Variants in KLHL1 observed in about 807,000 individuals in gnomAD.
KLHL1 encodes kelch like family member 1.
A neutral mutation model predicts 77.7 loss-of-function variants in KLHL1; 47 were observed. The observed-to-expected ratio is 0.60, with a 90% confidence interval of 0.48 to 0.77. The LOEUF (loss-of-function observed/expected upper bound fraction) is 0.77, where lower values mean the gene tolerates loss of function less well. Among genes scored for constraint, KLHL1 ranks in the 30% least tolerant of loss-of-function variants. KLHL1 has a pLI of 0.00. For synonymous variants in KLHL1, 360 were observed against 325.2 expected, an observed-to-expected ratio of 1.11 and a Z score of -1.15; for missense variants, 925 against 910.8, an observed-to-expected ratio of 1.02 and a Z score of -0.20.
chr13:69,714,591 T>G (rs966612780), intron 9 of KLHL1, among the ~76,000 whole-genome samples: 3 of 151,760 alleles, frequency 2.0e-5, no homozygotes, highest in Non-Finnish European at 4.4e-5. Context: ...TTTATTTTAT[T>G]TATTTATTTA....
intron 10 of KLHL1, among the ~76,000 whole-genome samples, chr13:69,707,308 T>C (rs543456448): frequency 1.3e-5 from 2 of 152,156 alleles, no homozygotes; most frequent in Admixed American, 6.6e-5. Context: ...AGTTAAGGTT[T>C]TGTGAACCAA....
chr13:69,937,986 G>T lies in KLHL1; in HGVS notation c.1014+2054C>A, dbSNP rs116698630. Among the ~76,000 whole-genome samples the T allele has an allele frequency of 2.0e-3, 297 of 152,148 alleles. 1 individual carries two copies. Among genetic ancestry groups the T allele is most frequent in the African/African-American group, 6.6e-3 (276 of 41,524 alleles). On this transcript the variant is annotated intron_variant, in intron 4 of 10. Coordinates refer to ENST00000377844, the MANE Select transcript of KLHL1 (RefSeq NM_020866.3). Reference sequence around the variant, plus strand: ...GAGAGAAGTTAATTCTATCCCACGTGTAGTAGAAAAAATGGAATGATTTGC... The same window carrying T: ...GAGAGAAGTTAATTCTATCCCACGTTTAGTAGAAAAAATGGAATGATTTGC...
chr13:69,745,455 T>TCA (rs1874168038), intron 7 of KLHL1, among the ~76,000 whole-genome samples: 1 of 152,042 alleles, frequency 6.6e-6, no homozygotes, highest in Admixed American at 6.6e-5. Flanking sequence ...GCTTGCATTT[T>TCA]CACTTTCTTA....
At chr13:69,737,162 C>T (rs1378180879) in intron 8 of KLHL1, among the ~76,000 whole-genome samples, 1 of 152,166 alleles carries the variant, frequency 6.6e-6, no homozygotes, top group Non-Finnish European at 1.5e-5. Flanking sequence ...TATGCTTTTC[C>T]CATGGATCCT....
intron 8 of KLHL1, among the ~76,000 whole-genome samples, chr13:69,725,758 C>A (rs1873269164): frequency 6.6e-6 from 1 of 152,134 alleles, no homozygotes; most frequent in Non-Finnish European, 1.5e-5. Flanking sequence ...ATCCTGTTCA[C>A]TGTCCTGTAA....
chr13:70,052,967 A>G (rs1420426477), intron 1 of KLHL1, among the ~76,000 whole-genome samples: 1 of 152,026 alleles, frequency 6.6e-6, no homozygotes, highest in Non-Finnish European at 1.5e-5. Context: ...AAAATTCTTG[A>G]GTGGGAAAAA....
chr13:70,092,671 A>G (rs1447520849), intron 1 of KLHL1, among the ~76,000 whole-genome samples: 1 of 152,162 alleles, frequency 6.6e-6, no homozygotes, highest in Non-Finnish European at 1.5e-5. Flanking sequence ...TAGTTTTATG[A>G]GCTAAGTTAT....
intron 7 of KLHL1, among the ~76,000 whole-genome samples, chr13:69,794,095 C>A (rs151173500): frequency 6.6e-6 from 1 of 152,222 alleles, no homozygotes; most frequent in African/African-American, 2.4e-5. Context: ...ATATTACCTT[C>A]TCATTTAAGC....
At chr13:69,912,720 G>A (rs1029412207) in intron 4 of KLHL1, among the ~76,000 whole-genome samples, 1 of 152,104 alleles carries the variant, frequency 6.6e-6, no homozygotes, top group Non-Finnish European at 1.5e-5. Context: ...GCCAGACTCT[G>A]CCCCTTATCT....
intron 7 of KLHL1, among the ~76,000 whole-genome samples, chr13:69,769,542 A>G (rs1593811855): frequency 1.3e-5 from 2 of 152,012 alleles, no homozygotes; most frequent in African/African-American, 4.8e-5. Flanking sequence ...GACTGGAGTG[A>G]GAACATCTAT....
At chr13:69,708,431 G>T (rs1378513734) in intron 9 of KLHL1, among the ~76,000 whole-genome samples, 4 of 151,876 alleles carry the variant, frequency 2.6e-5, no homozygotes, top group Non-Finnish European at 5.9e-5. Context: ...TGGGATGTTT[G>T]ATTCCCTGGG....
At chr13:69,733,484 T>C (rs1439527676) in intron 8 of KLHL1, among the ~76,000 whole-genome samples, 2 of 152,106 alleles carry the variant, frequency 1.3e-5, no homozygotes, top group African/African-American at 4.8e-5. Flanking sequence ...TGATTAATTT[T>C]CAGAATACAT....
intron 1 of KLHL1, among the ~76,000 whole-genome samples, chr13:70,015,661 GC>G (rs11346374): frequency 0.084 from 12,750 of 152,182 alleles, 601 homozygotes; most frequent in Non-Finnish European, 0.11. Context: ...GGATGATTTT[GC>G]CCAACTGTAG....
intron 1 of KLHL1, among the ~76,000 whole-genome samples, chr13:69,983,589 A>AAAAAAAAAAAAAAAAAAAAAAAAAAAG (rs1216543322): frequency 8.3e-5 from 11 of 132,208 alleles, no homozygotes; most frequent in African/African-American, 3.7e-4. Flanking sequence ...AAAAAAAAAA[A>AAAAAAAAAAAAAAAAAAAAAAAAAAAG]AAGAAGAAGA....
intron 1 of KLHL1, among the ~76,000 whole-genome samples, chr13:70,081,812 T>C (rs986681941): frequency 1.3e-5 from 2 of 152,170 alleles, no homozygotes; most frequent in African/African-American, 2.4e-5. Context: ...AATTGTTTGA[T>C]TTTAAAATGT....
chr13:69,899,439 T>C (rs1231942639), intron 4 of KLHL1, among the ~76,000 whole-genome samples: 1 of 152,198 alleles, frequency 6.6e-6, no homozygotes, highest in African/African-American at 2.4e-5. Flanking sequence ...TACATGCCTA[T>C]TCTTCACCTC....
intron 1 of KLHL1, among the ~76,000 whole-genome samples, chr13:70,010,437 A>G (rs1885506155): frequency 6.6e-6 from 1 of 152,196 alleles, no homozygotes; most frequent in Non-Finnish European, 1.5e-5. Context: ...TGTTCTAAAT[A>G]TAGAATATGA....
intron 6 of KLHL1, among the ~76,000 whole-genome samples, chr13:69,805,142 T>C (rs1877563282): frequency 6.8e-6 from 1 of 148,026 alleles, no homozygotes; most frequent in African/African-American, 2.5e-5. Flanking sequence ...TATATAAAAG[T>C]GGCTTTGAAA....
intron 4 of KLHL1, among the ~76,000 whole-genome samples, chr13:69,913,199 C>T (rs748013799): frequency 2.6e-5 from 4 of 152,154 alleles, no homozygotes; most frequent in Non-Finnish European, 5.9e-5. Flanking sequence ...CTATGCTCCC[C>T]CTTCAAACTG....
Sources: allele counts gnomAD v4.1 joint callset (sites outside exome capture counted in the v4.1 genomes callset), GRCh38; gene constraint gnomAD v4.1.1; transcripts MANE v1.5; gene names NCBI Gene and HGNC (gene_info 2026-07-23, HGNC 2026-07-21).